The following ABCA3 variants were observed in gnomAD, a reference collection of about 807,000 sequenced individuals.
ABCA3 encodes phospholipid-transporting ATPase ABCA3.
A neutral mutation model predicts 172.8 loss-of-function variants in ABCA3; 88 were observed. The observed-to-expected ratio is 0.51, with a 90% CI of 0.43 to 0.61. The LOEUF is 0.61. Among genes scored for constraint, ABCA3 ranks in the 20% least tolerant of loss-of-function variants. ABCA3 has a pLI of 0.00. For synonymous variants in ABCA3, 1,066 were observed against 983.8 expected (o/e 1.08, Z -1.56); for missense variants, 2,164 against 2,301.0 (o/e 0.94, Z 1.22).
intron 12 of ABCA3, among the ~76,000 whole-genome samples, chr16:2,301,441 T>A (rs1412534527): frequency 6.6e-6 from 1 of 152,148 alleles, no homozygotes; most frequent in Non-Finnish European, 1.5e-5. Flanking sequence ...AGGTGGTGGC[T>A]CACGCCTGTC....
At position 2,326,254 on chromosome 16, in the gene ABCA3, C is replaced by T. The variant is rs373150694; in HGVS notation, c.75G>A (p.Thr25=). 6.0e-5 allele frequency: 97 copies of T among 1,613,408 alleles called. 1 individual carries two copies. Among genetic ancestry groups the T allele is most frequent in the East Asian group, 2.0e-4 (9 of 44,888 alleles). The change falls in exon 5 of 33, where the codon ACG becomes ACA. Residue 25 remains threonine (T), a synonymous_variant. Transcript: ENST00000301732. The part of the protein sequence containing the change: ...YTLQKRKVLV[T]VLELFLPLLF... ...GCAATGGCAGGAAGAGTTCCAGGAC[C>T]GTCACCAGGACCTTCCGCTTCTGGA...
At position 2,286,921 on chromosome 16, in the gene ABCA3, G is replaced by A. The variant is rs752700686; in HGVS notation, c.3051C>T (p.Gly1017=). ...FLIFRASVEG[G]GFNERCLVAA... ...CCACAAGGCACCGCTCATTAAAGCCGCCCCCCTCCACAGAAGCCCTGAAGA... is the reference window on the plus strand; with the variant it reads ...CCACAAGGCACCGCTCATTAAAGCCACCCCCCTCCACAGAAGCCCTGAAGA... The change falls in exon 22 of 33, where the codon GGC becomes GGT. Residue 1017 remains glycine (G), a synonymous_variant. Coordinates refer to ENST00000301732, the MANE Select transcript of ABCA3 (RefSeq NM_001089.3). This position sits in a 1 kb window ranked among gnomAD's most constrained non-coding sequence, Gnocchi z 5.2. The A allele has an allele frequency of 2.3e-5, 37 of 1,613,744 alleles. No individual in the cohort carries two copies. Among genetic ancestry groups the A allele is most frequent in the Middle Eastern group, 1.6e-4 (1 of 6,084 alleles).
chr16:2,289,250 C>T (rs1420382110), intron 20 of ABCA3, 184 bp downstream of exon 20: 1 of 680,038 alleles, frequency 1.5e-6, no homozygotes, highest in East Asian at 2.7e-5. Flanking sequence ...TCCAGTTGCT[C>T]CATTCAAACG....
chr16:2,337,375 CTTTTTT>C (rs35818080), intron 1 of ABCA3, among the ~76,000 whole-genome samples: 3 of 142,370 alleles, frequency 2.1e-5, no homozygotes, highest in African/African-American at 7.8e-5. Context: ...AGTCTGAGGC[CTTTTTT>C]TTTTTTTCAT....
chr16:2,299,266 G>A lies in ABCA3; in HGVS notation c.1741+137C>T, dbSNP rs45476296. The A allele has an allele frequency of 3.3e-3, 4,208 of 1,285,596 alleles. 90 individuals carry two copies. The African/African-American group carries it at 0.052, about 16-fold the overall frequency. The allele number at this position is 1,285,596 out of a possible 1,614,324, so 79.6% of individuals were successfully genotyped here. ...CCCTGCTTGTGCCCCTGGGCCTGCA[G>A]GGCTGAGGTGCATCTCCTGCCGCTG... On this transcript the variant is annotated intron_variant, in intron 14 of 32. Coordinates refer to ENST00000301732, the MANE Select transcript of ABCA3 (RefSeq NM_001089.3).
At position 2,323,453 on chromosome 16, in the gene ABCA3, G is replaced by C. The variant is rs188494697; in HGVS notation, c.613+70C>G. 4.0e-5 allele frequency: 64 copies of C among 1,590,236 alleles called. No individual in the cohort carries two copies. In the Middle Eastern group the frequency reaches 6.1e-4, roughly 15 times the overall value. On this transcript the variant is annotated intron_variant, in intron 7 of 32. Transcript: ENST00000301732. The stretch of plus-strand genomic sequence containing the variant: ...TCAAGAAATACTTTTGCAAAGTGGG[G>C]CTGCCCCCATATGACTGTCACTAGT...
intron 1 of ABCA3, among the ~76,000 whole-genome samples, chr16:2,336,832 A>G (rs1479079575): frequency 6.6e-6 from 1 of 152,070 alleles, no homozygotes; most frequent in Non-Finnish European, 1.5e-5. Context: ...TTTCATCTTT[A>G]AAAAGCATGT....
intron 10 of ABCA3, among the ~76,000 whole-genome samples, chr16:2,311,186 G>A (rs902741131): frequency 4.0e-5 from 6 of 151,586 alleles, no homozygotes; most frequent in African/African-American, 1.2e-4. Flanking sequence ...GTTGGCCAGG[G>A]TGGTCTCGAT....
Position 2,276,682 on chromosome 16 carries a change from C to T in ABCA3, c.5107G>A (p.Gly1703Arg). The T allele has an allele frequency of 6.2e-7, 1 of 1,613,450 alleles. No individual in the cohort carries two copies. The highest frequency in any genetic ancestry group is 1.1e-5 in the South Asian group (1 of 91,084). The change falls in exon 33 of 33, where the codon GGG becomes AGG. Residue 1703 changes from glycine (G) to arginine (R), a missense_variant. By Grantham distance (125) the Gly-to-Arg change is moderately radical. Coordinates refer to ENST00000301732, the MANE Select transcript of ABCA3 (RefSeq NM_001089.3). The part of the protein sequence containing the change: ...AHLQPPTAEE[G>R]R Reference sequence around the variant, plus strand: ...GAGACAGCCGCCACCCCTCATCGCCCCTCCTCTGCGGTGGGCGGCTGCAGG... The same window carrying T: ...GAGACAGCCGCCACCCCTCATCGCCTCTCCTCTGCGGTGGGCGGCTGCAGG...
At position 2,337,873 on chromosome 16, in the gene ABCA3, G is replaced by A. The variant is rs374067573; in HGVS notation, c.-539+2700C>T. Among the ~76,000 whole-genome samples, 8 of 152,308 alleles carry A rather than the reference G, an allele frequency of 5.3e-5. No homozygotes were observed. In the East Asian group the frequency reaches 7.7e-4, roughly 15 times the overall value. On this transcript the variant is annotated intron_variant, in intron 1 of 32. Transcript: ENST00000301732. ...ACAGGCGCTGCCTGGAGTTGGAGGC[G>A]GCTGCCTCCCTAGGATCACAGGCTC...
chr16:2,329,380 A>G (rs1021984346), intron 2 of ABCA3, among the ~76,000 whole-genome samples: 1 of 152,186 alleles, frequency 6.6e-6, no homozygotes, highest in Admixed American at 6.5e-5. Flanking sequence ...TGGGGCCATC[A>G]TCCCGGGGAA....
In ABCA3 at chr16:2,279,192, G is replaced by T; in HGVS notation, c.4360-62C>A. On this transcript the variant is annotated intron_variant, in intron 28 of 32. Coordinates refer to ENST00000301732, the MANE Select transcript of ABCA3 (RefSeq NM_001089.3). The surrounding 1 kb of genome is among the most constrained non-coding windows in gnomAD (Gnocchi z 4.4). ...GGAGGGAAGCCTCCTTCCTCCAGAGGACCACGGGGACTACCCTTGAGGTGC... is the reference window on the plus strand; with the variant it reads ...GGAGGGAAGCCTCCTTCCTCCAGAGTACCACGGGGACTACCCTTGAGGTGC... 1 of 1,577,588 alleles carries T rather than the reference G, an allele frequency of 6.3e-7. No homozygotes were observed. Among genetic ancestry groups the T allele is most frequent in the Non-Finnish European group, 8.6e-7 (1 of 1,162,560 alleles).
intron 3 of ABCA3, among the ~76,000 whole-genome samples, chr16:2,328,048 A>G (rs1046075191): frequency 6.6e-6 from 1 of 152,136 alleles, no homozygotes. Flanking sequence ...CATCTGTCCA[A>G]CGAAAATTCA....
Position 2,282,823 on chromosome 16 carries a change from T to C in ABCA3, c.4035+363A>G, listed in dbSNP as rs1233527941. 6.7e-5 allele frequency among the ~76,000 whole-genome samples: 9 copies of C among 133,880 alleles called. No homozygotes were observed. The Admixed American group carries it at 6.8e-4, about 10-fold the overall frequency. The allele number at this position is 133,880 out of a possible 152,430, so 87.8% of individuals were successfully genotyped here. On this transcript the variant is annotated intron_variant, in intron 26 of 32. Coordinates refer to ENST00000301732, the MANE Select transcript of ABCA3 (RefSeq NM_001089.3). ...CAACCCTCAGCCCCACATCCCCTCC[T>C]CCGGGCACTGGGTGTCCCTGGGCAC...
In ABCA3 at chr16:2,297,820, G is replaced by A. The variant is rs757583248; in HGVS notation, c.1998C>T (p.Ser666=). Residue 666 remains serine (S), a synonymous_variant, in exon 16 of 33, where the codon AGC becomes AGT. Transcript: ENST00000301732. The surrounding 1 kb of genome is among the most constrained non-coding windows in gnomAD (Gnocchi z 5.6). ...TGGAGAGCTTGCGCCTCATGCCCCC[G>A]CTCAGGAAGCGGCTCCGTGAGTTCC... is the stretch of plus-strand genomic sequence containing the variant. The part of the protein sequence containing the change: ...DKWNSRSRFL[S]GGMRRKLSIG... 235 of 1,613,530 alleles carry A rather than the reference G, an allele frequency of 1.5e-4. No homozygotes were observed. The highest frequency in any genetic ancestry group is 1.8e-4 in the Non-Finnish European group (216 of 1,180,048).
At chr16:2,331,484 C>A (rs1323333531) in intron 1 of ABCA3, among the ~76,000 whole-genome samples, 30 of 152,234 alleles carry the variant, frequency 2.0e-4, no homozygotes, top group Non-Finnish European at 4.4e-5. Context: ...CAGGCGTGAG[C>A]CACTGTGCCC....
In ABCA3 at chr16:2,283,112, C is replaced by T; in HGVS notation, c.4035+74G>A. The T allele has an allele frequency of 6.7e-7, 1 of 1,497,078 alleles. No homozygotes were observed. Among genetic ancestry groups the T allele is most frequent in the South Asian group, 1.2e-5 (1 of 84,378 alleles). 92.7% of individuals were successfully genotyped at this position (1,497,078 alleles called of 1,614,324 possible). A position where few individuals can be genotyped will look rare whatever the true frequency, so the allele number is the denominator to read the frequency against. ...CTGGTGGAGAAGGAGGTGGAGCTGC[C>T]CCAGGTTGTGCTGGGCCCAAGCAGA... On this transcript the variant is annotated intron_variant, in intron 26 of 32. Coordinates refer to ENST00000301732, the MANE Select transcript of ABCA3 (RefSeq NM_001089.3). The surrounding 1 kb of genome is among the most constrained non-coding windows in gnomAD (Gnocchi z 5.4).
intron 28 of ABCA3, among the ~76,000 whole-genome samples, chr16:2,280,803 G>A (rs528606444): frequency 1.3e-5 from 2 of 152,288 alleles, no homozygotes; most frequent in South Asian, 2.1e-4. Context: ...CTGGGCTCAC[G>A]GATGTTGGCA....
In ABCA3 at chr16:2,323,739, G is replaced by A. The variant is rs761486532; in HGVS notation, c.448-51C>T. ...TGTTCCGAGAGATCCAGACAGAGGG[G>A]CAAACAACAGGGTGGAGTGGGAGAG... On this transcript the variant is annotated intron_variant, in intron 6 of 32. Transcript: ENST00000301732. 2.1e-5 allele frequency: 34 copies of A among 1,608,554 alleles called. 2 individuals carry two copies. The South Asian group carries it at 3.4e-4, about 16-fold the overall frequency.
Sources: allele counts gnomAD v4.1 joint callset (sites outside exome capture counted in the v4.1 genomes callset), GRCh38; gene constraint gnomAD v4.1.1; non-coding constraint Gnocchi (gnomAD v3.1); transcripts MANE v1.5; gene names NCBI Gene and HGNC (gene_info 2026-07-23, HGNC 2026-07-21).